Variants in ZNF423 observed in about 807,000 individuals in gnomAD.
ZNF423 encodes the protein zinc finger protein 423.
ZNF423 carries 12 observed loss-of-function variants against 95.8 expected under a neutral mutation model. That is an observed-to-expected ratio of 0.13 (90% CI 0.08 to 0.20). The LOEUF is 0.20. Among genes scored for constraint, ZNF423 ranks in the 10% least tolerant of loss-of-function variants. ZNF423 has a pLI of 1.00. For synonymous variants in ZNF423, 749 were observed against 711.9 expected, an observed-to-expected ratio of 1.05 and a Z score of -0.83; for missense variants, 1,316 against 1,737.1, an observed-to-expected ratio of 0.76 and a Z score of 4.31.
intron 3 of ZNF423, among the ~76,000 whole-genome samples, chr16:49,668,765 C>T (rs1422835604): frequency 6.6e-6 from 1 of 152,170 alleles, no homozygotes; most frequent in Non-Finnish European, 1.5e-5. Flanking sequence ...CACCAGGCCC[C>T]CAGGAGGAAG....
At chr16:49,551,134 GAC>G (rs1969618973) in intron 5 of ZNF423, among the ~76,000 whole-genome samples, 1 of 152,224 alleles carries the variant, frequency 6.6e-6, no homozygotes, top group Non-Finnish European at 1.5e-5. Context: ...CTCAAGCTGG[GAC>G]ACTGGGAGGG....
chr16:49,716,838 T>C (rs1176154801), intron 3 of ZNF423, among the ~76,000 whole-genome samples: 1 of 152,218 alleles, frequency 6.6e-6, no homozygotes, highest in Admixed American at 6.5e-5. Flanking sequence ...GATGATCTGC[T>C]GGGAGCACTC....
intron 3 of ZNF423, among the ~76,000 whole-genome samples, chr16:49,721,062 T>C (rs1274933306): frequency 6.6e-6 from 1 of 152,236 alleles, no homozygotes; most frequent in African/African-American, 2.4e-5. Flanking sequence ...TCTGCTGATG[T>C]ACACACGGTG....
At chr16:49,688,765 G>C (rs1047976069) in intron 3 of ZNF423, among the ~76,000 whole-genome samples, 4 of 152,234 alleles carry the variant, frequency 2.6e-5, no homozygotes, top group Non-Finnish European at 5.9e-5. Flanking sequence ...ACAAACTCCC[G>C]ATGCCAGCAG....
chr16:49,705,291 T>C (rs908913290), intron 3 of ZNF423, among the ~76,000 whole-genome samples: 1 of 152,154 alleles, frequency 6.6e-6, no homozygotes, highest in East Asian at 1.9e-4. Flanking sequence ...TCTGTCTAGC[T>C]ATAGGGCACT....
chr16:49,709,246 A>G (rs2032466735), intron 3 of ZNF423, among the ~76,000 whole-genome samples: 1 of 150,624 alleles, frequency 6.6e-6, no homozygotes, highest in African/African-American at 2.4e-5. Context: ...CAGAAGCACC[A>G]TCATTTCCTG....
At chr16:49,750,407 CT>C (rs1375294755) in intron 2 of ZNF423, among the ~76,000 whole-genome samples, 1 of 152,200 alleles carries the variant, frequency 6.6e-6, no homozygotes, top group African/African-American at 2.4e-5. Flanking sequence ...GGGAAGTGGG[CT>C]GGGTGTTTCT....
At chr16:49,511,343 A>G (rs1330810471) in intron 7 of ZNF423, among the ~76,000 whole-genome samples, 1 of 151,952 alleles carries the variant, frequency 6.6e-6, no homozygotes, top group Non-Finnish European at 1.5e-5. Context: ...CCAGAGACCT[A>G]CCCTTGGCTT....
chr16:49,689,946 G>A (rs1238849724), intron 3 of ZNF423, among the ~76,000 whole-genome samples: 3 of 152,172 alleles, frequency 2.0e-5, no homozygotes, highest in Non-Finnish European at 2.9e-5. Context: ...CACTCTCCCA[G>A]GTCCACTGAG....
At chr16:49,684,336 A>G (rs1216025187) in intron 3 of ZNF423, among the ~76,000 whole-genome samples, 1 of 152,258 alleles carries the variant, frequency 6.6e-6, no homozygotes, top group African/African-American at 2.4e-5. Context: ...CTCAGGTTGT[A>G]AGACTATAGC....
At position 49,516,792 on chromosome 16, in the gene ZNF423, G is replaced by A. The variant is rs77364552; in HGVS notation, c.3849+6832C>T. Among the ~76,000 whole-genome samples the A allele has an allele frequency of 2.3e-3, 353 of 152,308 alleles. 7 individuals are homozygous for A. The East Asian group carries it at 0.057, about 24-fold the overall frequency. The stretch of plus-strand genomic sequence containing the variant: ...TCCTACCCCCAGCCACAGCTCACTG[G>A]AGCAGGGTGGACAGCTGACCCAGGC... On this transcript the variant is annotated intron_variant, in intron 7 of 7. Coordinates refer to ENST00000563137, the MANE Select transcript of ZNF423 (RefSeq NM_001379286.1).
intron 5 of ZNF423, among the ~76,000 whole-genome samples, chr16:49,593,449 T>G (rs1006525905): frequency 4.0e-5 from 6 of 151,784 alleles, no homozygotes; most frequent in African/African-American, 1.5e-4. Flanking sequence ...AAAAAAAAAT[T>G]TCTCTGCCAT....
At chr16:49,554,438 G>A (rs1020784894) in intron 5 of ZNF423, among the ~76,000 whole-genome samples, 1 of 152,036 alleles carries the variant, frequency 6.6e-6, no homozygotes, top group African/African-American at 2.4e-5. Context: ...CAATCTGGCC[G>A]AACATCCTCT....
chr16:49,842,736 G>T (rs1049006662), intron 1 of ZNF423, among the ~76,000 whole-genome samples: 1 of 152,164 alleles, frequency 6.6e-6, no homozygotes, highest in Non-Finnish European at 1.5e-5. Context: ...AGCACTTTGG[G>T]AGCCCAAGGC....
intron 5 of ZNF423, among the ~76,000 whole-genome samples, chr16:49,625,659 T>C (rs541554137): frequency 3.4e-4 from 52 of 152,304 alleles, no homozygotes; most frequent in Non-Finnish European, 5.6e-4. Context: ...TTGTGCCAAG[T>C]GTGTGAACTC....
At chr16:49,788,996 A>G (rs754261973) in intron 2 of ZNF423, among the ~76,000 whole-genome samples, 106 of 152,154 alleles carry the variant, frequency 7.0e-4, no homozygotes, top group Middle Eastern at 3.4e-3. Context: ...CTGTCACGTC[A>G]CCCCCGACAC....
At chr16:49,763,854 G>A (rs564155694) in intron 2 of ZNF423, among the ~76,000 whole-genome samples, 10 of 152,232 alleles carry the variant, frequency 6.6e-5, no homozygotes, top group East Asian at 5.8e-4. Context: ...AGATCAGCCC[G>A]TTCCTTCCTT....
At chr16:49,627,310 C>A (rs1039227110) in intron 4 of ZNF423, among the ~76,000 whole-genome samples, 1 of 134,814 alleles carries the variant, frequency 7.4e-6, no homozygotes, top group Non-Finnish European at 1.6e-5. Flanking sequence ...CATCTACATA[C>A]ATACCCACCC....
At chr16:49,763,747 A>G (rs1192202237) in intron 2 of ZNF423, among the ~76,000 whole-genome samples, 2 of 152,084 alleles carry the variant, frequency 1.3e-5, no homozygotes, top group African/African-American at 2.4e-5. Flanking sequence ...TGCTGCGTTC[A>G]TGCCTTCCTG....
Sources: allele counts gnomAD v4.1 joint callset (sites outside exome capture counted in the v4.1 genomes callset), GRCh38; gene constraint gnomAD v4.1.1; transcripts MANE v1.5; gene names NCBI Gene and HGNC (gene_info 2026-07-23, HGNC 2026-07-21).